Variants in RTEL1 observed in about 807,000 individuals in gnomAD.
The protein encoded by RTEL1 is regulator of telomere elongation helicase 1.
In RTEL1, 86 loss-of-function variants were observed where a neutral mutation model predicts 162.2. The ratio of observed to expected loss-of-function variants is 0.53; its 90% CI spans 0.45 to 0.63. RTEL1 has a LOEUF of 0.63. Ranked by LOEUF, RTEL1 falls within the 30% of genes least tolerant of loss-of-function variation. The pLI, the probability that RTEL1 is intolerant of heterozygous loss-of-function variation, is 0.00. For missense variants in RTEL1, 1,941 were observed against 1,750.2 expected, an observed-to-expected ratio of 1.11 and a Z score of -1.95; for synonymous variants, 958 against 717.9, an observed-to-expected ratio of 1.33 and a Z score of -5.35.
At chr20:63,665,063 G>A in intron 6 of RTEL1, 1 of 155,408 alleles carries the variant, frequency 6.4e-6, no homozygotes, top group Non-Finnish European at 1.4e-5. Flanking sequence ...TGCCTTCCCT[G>A]CTATCCCTGG....
At chr20:63,693,769 G>A (rs999879455) in intron 30 of RTEL1, among the ~76,000 whole-genome samples, 1 of 16,710 alleles carries the variant, frequency 6.0e-5, no homozygotes, top group Admixed American at 6.1e-4. Flanking sequence ...ACCTCCACCA[G>A]CAGCAGCATC....
At chr20:63,666,375 A>G (rs1226298119) in intron 7 of RTEL1, among the ~76,000 whole-genome samples, 1 of 152,230 alleles carries the variant, frequency 6.6e-6, no homozygotes. Context: ...ACTGTCCTGC[A>G]GTTGGCTGTT....
chr20:63,678,197 TC>T lies in RTEL1; in HGVS notation c.958+18del. 6.2e-7 allele frequency: 1 copy of T among 1,613,028 alleles called. No homozygotes were observed. The highest frequency in any genetic ancestry group is 8.5e-7 in the Non-Finnish European group (1 of 1,179,010). ...CAAAGCTGAAGAGTAAGTGTTGCCC[TC>T]CCCGCCTCCTTGCAGCTGGGTGGGG... On this transcript the variant is annotated intron_variant, in intron 11 of 34. Transcript: ENST00000360203.
chr20:63,660,644 C>G (rs2090001645), intron 2 of RTEL1: 2 of 152,954 alleles, frequency 1.3e-5, no homozygotes, highest in Admixed American at 6.5e-5. Flanking sequence ...TACATAGACA[C>G]AGTAACAGTC....
intron 5 of RTEL1, 76 bp from the exon 6 acceptor site, chr20:63,662,753 C>A: frequency 1.3e-6 from 2 of 1,597,486 alleles, no homozygotes; most frequent in Non-Finnish European, 1.7e-6. Flanking sequence ...CAGGGGAGGA[C>A]CTGGTGGGGG....
chr20:63,667,917 G>A (rs540291291), intron 8 of RTEL1, among the ~76,000 whole-genome samples: 17 of 151,578 alleles, frequency 1.1e-4, no homozygotes, highest in African/African-American at 4.1e-4. Flanking sequence ...CCTCTTCCCA[G>A]CGCGTGCCCG....
chr20:63,676,503 A>G (rs2090351924), intron 10 of RTEL1, among the ~76,000 whole-genome samples: 1 of 152,112 alleles, frequency 6.6e-6, no homozygotes, highest in African/African-American at 2.4e-5. Context: ...GAACACCTGA[A>G]TATGTTAATC....
chr20:63,693,543 A>ACGTCCACCACCT (rs2090858617), intron 30 of RTEL1, among the ~76,000 whole-genome samples: 1 of 21,614 alleles, frequency 4.6e-5, no homozygotes, highest in Non-Finnish European at 9.6e-5. Context: ...CACCACCACC[A>ACGTCCACCACCT]CCACCACCAC....
Position 63,695,408 on chromosome 20 carries a change from G to T in RTEL1, c.3580G>T (p.Gly1194Trp). ...TAGACAGAGGCCAGCAGGGACTGTG[G>T]GGGCGGGCGGTGAGGATGCAGGTCC... ...FLRQRPAGTV[G>W]AGGEDAGPSQ... Residue 1194 changes from glycine (G) to tryptophan (W), a missense_variant, in exon 34 of 35, where the codon GGG becomes TGG. Coordinates refer to ENST00000360203, the MANE Select transcript of RTEL1 (RefSeq NM_001283009.2). 6.4e-7 allele frequency: 1 copy of T among 1,559,714 alleles called. No individual in the cohort carries two copies. The highest frequency in any genetic ancestry group is 8.7e-7 in the Non-Finnish European group (1 of 1,152,070).
rs865994306 is a variant in RTEL1, at chr20:63,669,701, G to A, written c.699+2148G>A. Among the ~76,000 whole-genome samples, 9 of 142,966 alleles carry A rather than the reference G, an allele frequency of 6.3e-5. 1 individual carries two copies. Among genetic ancestry groups the A allele is most frequent in the South Asian group, 4.7e-4 (2 of 4,260 alleles). 93.8% of individuals were successfully genotyped at this position (142,966 alleles called of 152,430 possible). On this transcript the variant is annotated intron_variant, in intron 8 of 34. Coordinates refer to ENST00000360203, the MANE Select transcript of RTEL1 (RefSeq NM_001283009.2). The stretch of plus-strand genomic sequence containing the variant: ...GGGAGAGCATCCGGACAGACGTTTC[G>A]CCAAGATGGGTGGAATGGCCAGTTA...
chr20:63,675,409 C>T (rs1231755869), intron 10 of RTEL1, among the ~76,000 whole-genome samples: 2 of 152,140 alleles, frequency 1.3e-5, no homozygotes, highest in African/African-American at 4.8e-5. Flanking sequence ...CCTCACCCTT[C>T]TCACCAGGAT....
At position 63,678,301 on chromosome 20, in the gene RTEL1, C is replaced by A. The variant is rs764990302; in HGVS notation, c.992C>A (p.Ala331Asp). 1 of 1,613,004 alleles carries A rather than the reference C, an allele frequency of 6.2e-7. No individual in the cohort carries two copies. Among genetic ancestry groups the A allele is most frequent in the Middle Eastern group, 1.7e-4 (1 of 6,054 alleles). The change falls in exon 12 of 35, where the codon GCT becomes GAT. Residue 331 changes from alanine (A) to aspartate (D), a missense_variant. By Grantham distance (126) the Ala-to-Asp change is moderately radical. Coordinates refer to ENST00000360203, the MANE Select transcript of RTEL1 (RefSeq NM_001283009.2). The part of the protein sequence containing the change: ...ILLRLEGAID[A>D]VELPGDDSGV... The stretch of plus-strand genomic sequence containing the variant: ...CTGCGCCTGGAGGGGGCCATCGATG[C>A]TGTTGAGCTGCCTGGAGACGACAGC...
At chr20:63,693,660 A>T (rs1468781673) in intron 30 of RTEL1, among the ~76,000 whole-genome samples, 18 of 89,012 alleles carry the variant, frequency 2.0e-4, no homozygotes, top group Non-Finnish European at 3.4e-4. Flanking sequence ...CTCCACCACC[A>T]CCTCCACCAC....
intron 14 of RTEL1, chr20:63,682,679 G>T (rs1240113094): frequency 1.0e-6 from 1 of 985,862 alleles, no homozygotes; most frequent in Non-Finnish European, 1.2e-6. Context: ...TGCCCATAGG[G>T]CTGGTGCTGG....
At chr20:63,694,292 C>T (rs890771567) in intron 30 of RTEL1, 80 bp from the exon 31 acceptor site, 2 of 1,160,380 alleles carry the variant, frequency 1.7e-6, no homozygotes, top group Admixed American at 1.7e-5. Flanking sequence ...CCTGGCCTCC[C>T]TAGCCAGCCC....
Position 63,687,642 on chromosome 20 carries a change from G to C in RTEL1, c.1353G>C (p.Lys451Asn). ...CTGCCGCCCCCCGCCCCACAGGGAAGGTGCTGAGCTACTGGTGCTTCAGTC... is the reference window on the plus strand; with the variant it reads ...CTGCCGCCCCCCGCCCCACAGGGAACGTGCTGAGCTACTGGTGCTTCAGTC... ...WSTTAARKRG[K>N]VLSYWCFSPG... The change falls in exon 17 of 35, where the codon AAG (lysine) becomes AAC (asparagine). Residue 451 changes from lysine to asparagine, a missense_variant. Transcript: ENST00000360203. 2 of 1,606,790 alleles carry C rather than the reference G, an allele frequency of 1.2e-6. No homozygotes were observed. The highest frequency in any genetic ancestry group is 1.7e-6 in the Non-Finnish European group (2 of 1,177,828).
chr20:63,694,563 G>C (rs1165019797), intron 31 of RTEL1, 75 bp downstream of exon 31: 14 of 1,347,078 alleles, frequency 1.0e-5, no homozygotes, highest in Non-Finnish European at 1.5e-5. Flanking sequence ...TAACTCTTGA[G>C]TGTGGCCGGG....
intron 16 of RTEL1, chr20:63,687,397 C>T (rs1478668463): frequency 1.9e-5 from 10 of 523,610 alleles, no homozygotes; most frequent in Admixed American, 1.1e-4. Context: ...TCCCCAGCCT[C>T]TGCCTGGGGT....
At chr20:63,671,777 C>T (rs1239064429) in intron 8 of RTEL1, among the ~76,000 whole-genome samples, 1 of 151,318 alleles carries the variant, frequency 6.6e-6, no homozygotes, top group Admixed American at 6.6e-5. Context: ...AGGCGTGAGC[C>T]ACCATGCCCG....
Sources: allele counts gnomAD v4.1 joint callset (sites outside exome capture counted in the v4.1 genomes callset), GRCh38; gene constraint gnomAD v4.1.1; transcripts MANE v1.5; gene names NCBI Gene and HGNC (gene_info 2026-07-23, HGNC 2026-07-21).